Variants in SDC2 observed in about 807,000 individuals in gnomAD.
SDC2 encodes syndecan-2.
SDC2 carries 13 observed loss-of-function variants against 22.2 expected under a neutral mutation model. That is an observed-to-expected ratio of 0.59 (90% confidence interval 0.38 to 0.93). The LOEUF (loss-of-function observed/expected upper bound fraction) is 0.93, where lower values mean the gene tolerates loss of function less well. Among genes scored for constraint, SDC2 ranks in the 40% least tolerant of loss-of-function variants. SDC2 has a pLI of 0.00. For missense variants in SDC2, 235 were observed against 246.8 expected (o/e 0.95, Z 0.32); for synonymous variants, 94 against 92.8 (o/e 1.01, Z -0.07).
chr8:96,535,817 G>C (rs917909333), intron 1 of SDC2, among the ~76,000 whole-genome samples: 1 of 152,168 alleles, frequency 6.6e-6, no homozygotes, highest in African/African-American at 2.4e-5. Context: ...TAGCTGAACA[G>C]AACAAAGAAG....
chr8:96,543,117 A>G (rs1813878393), intron 1 of SDC2, among the ~76,000 whole-genome samples: 1 of 152,238 alleles, frequency 6.6e-6, no homozygotes, highest in Non-Finnish European at 1.5e-5. Flanking sequence ...TAGTCTAATA[A>G]GTTAGGATTT....
intron 1 of SDC2, among the ~76,000 whole-genome samples, chr8:96,562,856 GA>G (rs1318192719): frequency 6.6e-6 from 1 of 152,114 alleles, no homozygotes; most frequent in African/African-American, 2.4e-5. Context: ...TTCTCCTGTG[GA>G]GCCAAGGTGA....
intron 1 of SDC2, among the ~76,000 whole-genome samples, chr8:96,534,864 T>A (rs1311627530): frequency 1.3e-5 from 2 of 152,216 alleles, no homozygotes; most frequent in African/African-American, 4.8e-5. Flanking sequence ...TTTGCTACCC[T>A]TGCTCACCAT....
intron 3 of SDC2, among the ~76,000 whole-genome samples, chr8:96,606,911 C>G (rs570337082): frequency 2.8e-4 from 42 of 152,196 alleles, no homozygotes; most frequent in Non-Finnish European, 5.3e-4. Flanking sequence ...CCACCCGCTT[C>G]TGGGGCCACG....
chr8:96,570,396 A>G (rs930609113), intron 1 of SDC2, among the ~76,000 whole-genome samples: 4 of 152,236 alleles, frequency 2.6e-5, no homozygotes, highest in African/African-American at 4.8e-5. Context: ...ATATGATTGT[A>G]TCACACTTAA....
chr8:96,597,256 T>C (rs1162568776), intron 2 of SDC2, among the ~76,000 whole-genome samples: 1 of 152,218 alleles, frequency 6.6e-6, no homozygotes, highest in African/African-American at 2.4e-5. Context: ...TGGCAGTCTG[T>C]CCATTTACCC....
chr8:96,495,330 G>C (rs1381673987), intron 1 of SDC2, among the ~76,000 whole-genome samples: 1 of 152,192 alleles, frequency 6.6e-6, no homozygotes, highest in African/African-American at 2.4e-5. Context: ...TTCTCCTTTT[G>C]GTCGCGCTTC....
chr8:96,608,611 A>C (rs1163983819), intron 4 of SDC2, 141 bp downstream of exon 4: 1 of 697,134 alleles, frequency 1.4e-6, no homozygotes, highest in African/African-American at 1.8e-5. Flanking sequence ...CAGAGCGAGA[A>C]GCAAGAGGCT....
intron 1 of SDC2, among the ~76,000 whole-genome samples, chr8:96,532,654 C>A (rs572960042): frequency 1.3e-5 from 2 of 152,040 alleles, no homozygotes; most frequent in South Asian, 4.2e-4. Flanking sequence ...TCACTGCCAC[C>A]CCCATCCCCC....
chr8:96,535,899 A>G (rs1344120892), intron 1 of SDC2, among the ~76,000 whole-genome samples: 1 of 152,186 alleles, frequency 6.6e-6, no homozygotes. Context: ...AGATGGTCAG[A>G]CCAGTTAAGT....
At chr8:96,580,729 A>G (rs1814575535) in intron 1 of SDC2, among the ~76,000 whole-genome samples, 1 of 152,208 alleles carries the variant, frequency 6.6e-6, no homozygotes, top group African/African-American at 2.4e-5. Context: ...TTCAAATGTA[A>G]CAGGTAGTCC....
chr8:96,498,455 T>C (rs1253011840), intron 1 of SDC2, among the ~76,000 whole-genome samples: 1 of 150,182 alleles, frequency 6.7e-6, no homozygotes, highest in African/African-American at 2.4e-5. Context: ...TGTGGTCCCT[T>C]CCTGCAGCGC....
chr8:96,565,660 A>G (rs1026646197), intron 1 of SDC2, among the ~76,000 whole-genome samples: 1 of 152,170 alleles, frequency 6.6e-6, no homozygotes, highest in Non-Finnish European at 1.5e-5. Context: ...TCTGTGTCTC[A>G]GTTTTCCCCG....
At chr8:96,508,399 G>A (rs745363270) in intron 1 of SDC2, among the ~76,000 whole-genome samples, 20 of 149,604 alleles carry the variant, frequency 1.3e-4, no homozygotes, top group Admixed American at 4.0e-4. Context: ...AGGCTGAGGC[G>A]GCAGAATGGC....
intron 1 of SDC2, among the ~76,000 whole-genome samples, chr8:96,573,601 A>G (rs2651467): frequency 0.19 from 28,974 of 151,986 alleles, 3,232 homozygotes; most frequent in East Asian, 0.34. Context: ...CCTTCATTCA[A>G]TAAGTTGGCA....
At chr8:96,605,792 C>CA (rs1455329799) in intron 3 of SDC2, among the ~76,000 whole-genome samples, 2 of 152,312 alleles carry the variant, frequency 1.3e-5, no homozygotes, top group Non-Finnish European at 2.9e-5. Context: ...ATTGATCTTA[C>CA]ATACCCTAGA....
intron 1 of SDC2, among the ~76,000 whole-genome samples, chr8:96,525,004 A>G (rs866637440): frequency 6.6e-6 from 1 of 152,180 alleles, no homozygotes; most frequent in African/African-American, 2.4e-5. Context: ...TCTCCATATG[A>G]GCTATGAAGA....
chr8:96,522,759 G>A (rs1813516183), intron 1 of SDC2, among the ~76,000 whole-genome samples: 1 of 152,176 alleles, frequency 6.6e-6, no homozygotes, highest in Admixed American at 6.5e-5. Context: ...TATATAATTG[G>A]ATTTTTAGAG....
chr8:96,495,790 C>T (rs1280088112), intron 1 of SDC2, among the ~76,000 whole-genome samples: 1 of 152,048 alleles, frequency 6.6e-6, no homozygotes, highest in African/African-American at 2.4e-5. Context: ...GATCCCCATA[C>T]GTTCTTTGTG....
Sources: gnomAD v4.1 joint callset for allele counts (sites outside exome capture counted in the v4.1 genomes callset) on GRCh38, gnomAD v4.1.1 for gene constraint, MANE v1.5 for transcripts, NCBI Gene and HGNC (gene_info 2026-07-23, HGNC 2026-07-21) for gene names.